The following NGLY1 variants were observed in gnomAD, a reference collection of about 807,000 sequenced individuals.
NGLY1 encodes the protein N-glycanase 1, also known as peptide-N(4)-(N-acetyl-beta-glucosaminyl)asparagine amidase.
In NGLY1, 68 loss-of-function variants were observed where a neutral mutation model predicts 84.6. The observed-to-expected ratio is 0.80, with a 90% CI of 0.66 to 0.98. The LOEUF (loss-of-function observed/expected upper bound fraction) is 0.98, where lower values mean the gene tolerates loss of function less well. Ranked by LOEUF, NGLY1 falls within the 50% of genes least tolerant of loss-of-function variation. The pLI is 0.00. For synonymous variants in NGLY1, 280 were observed against 275.2 expected (o/e 1.02, Z -0.17); for missense variants, 779 against 770.2 (o/e 1.01, Z -0.14).
chr3:25,770,259 T>G (rs926358703), intron 2 of NGLY1, among the ~76,000 whole-genome samples: 1 of 152,188 alleles, frequency 6.6e-6, no homozygotes, highest in African/African-American at 2.4e-5. Flanking sequence ...CTAGTGATTC[T>G]CCCCTCAGCC....
chr3:25,781,390 C>T (rs1274126420), intron 1 of NGLY1, among the ~76,000 whole-genome samples: 1 of 152,182 alleles, frequency 6.6e-6, no homozygotes, highest in African/African-American at 2.4e-5. Context: ...GTTGAGTAAA[C>T]TGACCGTGGT....
chr3:25,747,848 G>T (rs1452798103), intron 4 of NGLY1, among the ~76,000 whole-genome samples: 5 of 152,178 alleles, frequency 3.3e-5, no homozygotes, highest in Non-Finnish European at 7.3e-5. Context: ...TTGACAAACT[G>T]CTGGAAGCTG....
At chr3:25,741,950 G>A (rs1013574090) in intron 4 of NGLY1, among the ~76,000 whole-genome samples, 4 of 152,100 alleles carry the variant, frequency 2.6e-5, no homozygotes, top group Non-Finnish European at 5.9e-5. Context: ...GCAGTGAGCC[G>A]AGATCGCGCC....
At chr3:25,785,649 C>A (rs1390972064), upstream of NGLY1, among the ~76,000 whole-genome samples, 2 of 144,522 alleles carry the variant, frequency 1.4e-5, no homozygotes, top group Non-Finnish European at 3.0e-5. Flanking sequence ...GCCTGGGCAA[C>A]ATGGCAAGAC....
At chr3:25,775,377 G>A (rs1200164676) in intron 2 of NGLY1, among the ~76,000 whole-genome samples, 1 of 152,156 alleles carries the variant, frequency 6.6e-6, no homozygotes, top group Non-Finnish European at 1.5e-5. Flanking sequence ...CCAAGATATG[G>A]AATTAACCTA....
intron 2 of NGLY1, among the ~76,000 whole-genome samples, chr3:25,765,637 T>G (rs1230544867): frequency 6.6e-6 from 1 of 152,154 alleles, no homozygotes; most frequent in Non-Finnish European, 1.5e-5. Context: ...TGAATCCTTT[T>G]TAAAAAGCTG....
In NGLY1 at chr3:25,753,545, T is replaced by C. The variant is rs140670788; in HGVS notation, c.493-2282A>G. On this transcript the variant is annotated intron_variant, in intron 3 of 11. Transcript: ENST00000280700. ...CAACTGGAAAGCAAAATCTCAATTT[T>C]TTCATAGGAAAGGTAGCAAGGAAGG... Among the ~76,000 whole-genome samples, 6 of 152,248 alleles carry C rather than the reference T, an allele frequency of 3.9e-5. No homozygotes were observed. The East Asian group carries it at 1.2e-3, about 29-fold the overall frequency.
At chr3:25,772,131 T>C (rs1707925863) in intron 2 of NGLY1, among the ~76,000 whole-genome samples, 1 of 152,232 alleles carries the variant, frequency 6.6e-6, no homozygotes, top group Non-Finnish European at 1.5e-5. Flanking sequence ...TGCTTTCTAC[T>C]TTTCCCTGTT....
intron 8 of NGLY1, 136 bp from the exon 9 acceptor site, chr3:25,732,619 A>G: frequency 1.8e-6 from 1 of 567,496 alleles, no homozygotes; most frequent in Admixed American, 3.4e-5. Flanking sequence ...TCAAACATAT[A>G]TTATTCAGAA....
At chr3:25,741,806 C>A (rs1706162543) in intron 4 of NGLY1, among the ~76,000 whole-genome samples, 1 of 151,544 alleles carries the variant, frequency 6.6e-6, no homozygotes, top group Non-Finnish European at 1.5e-5. Context: ...GCCTGCCCAA[C>A]ATGGTGAAAC....
At chr3:25,742,884 CAAAAAAAAAAAAAA>C (rs34669504) in intron 4 of NGLY1, among the ~76,000 whole-genome samples, 3 of 63,316 alleles carry the variant, frequency 4.7e-5, no homozygotes, top group Admixed American at 2.3e-4. Context: ...CCTTATGTGG[CAAAAAAAAAAAAAA>C]AAAAAAAAAA....
intron 5 of NGLY1, among the ~76,000 whole-genome samples, chr3:25,738,164 T>TA (rs1241640822): frequency 6.6e-6 from 1 of 152,202 alleles, no homozygotes; most frequent in Non-Finnish European, 1.5e-5. Context: ...ACTAAAGTGG[T>TA]ATAGCTAGCT....
intron 10 of NGLY1, among the ~76,000 whole-genome samples, chr3:25,722,622 T>C (rs866819480): frequency 1.3e-5 from 2 of 152,232 alleles, no homozygotes; most frequent in African/African-American, 2.4e-5. Flanking sequence ...TCAGAGTAGA[T>C]ATGTATAGCC....
chr3:25,733,476 TGTG>T (rs1559533619), intron 8 of NGLY1, among the ~76,000 whole-genome samples: 1 of 126,568 alleles, frequency 7.9e-6, no homozygotes, highest in Non-Finnish European at 1.8e-5. Context: ...CGTGTGTGTG[TGTG>T]TGTGTGTGTG....
chr3:25,784,534 A>G (rs757413336), upstream of NGLY1, among the ~76,000 whole-genome samples: 42 of 152,228 alleles, frequency 2.8e-4, no homozygotes, highest in Non-Finnish European at 5.1e-4. Flanking sequence ...GTACTTTACC[A>G]GTGGCTTCCT....
At chr3:25,732,977 A>G (rs1047558407) in intron 8 of NGLY1, among the ~76,000 whole-genome samples, 1 of 152,232 alleles carries the variant, frequency 6.6e-6, no homozygotes, top group Non-Finnish European at 1.5e-5. Context: ...CCTTCCAGTC[A>G]TTTGTCAATT....
chr3:25,789,874 T>G lies in NGLY1; in HGVS notation c.-9A>C. 1.9e-6 allele frequency: 3 copies of G among 1,551,714 alleles called. No homozygotes were observed. In the South Asian group the frequency reaches 3.6e-5, roughly 18 times the overall value. ...TGAAAATGCTACCTCATCGCGTTAT[T>G]GGCAGGTCCTCGATTATCGGCGAGT... On this transcript the variant is annotated 5_prime_UTR_variant, in exon 1 of 12. Coordinates refer to the NGLY1 transcript ENST00000417874.
Position 25,719,584 on chromosome 3 carries a change from A to C in NGLY1, c.1841T>G (p.Leu614Trp), listed in dbSNP as rs1704872725. Residue 614 changes from leucine to tryptophan, a missense_variant, in exon 12 of 12, where the codon TTG becomes TGG. Physicochemically the swap from Leu to Trp is moderately conservative, Grantham distance 61 (BLOSUM62 -2). Transcript: ENST00000280700. ...ATCTCCTCTGCTTAATTCTGCTTCCAAAATAACTTCAGTGGCACCAGAAAA... is the reference window on the plus strand; with the variant it reads ...ATCTCCTCTGCTTAATTCTGCTTCCCAAATAACTTCAGTGGCACCAGAAAA... ...ADFSGATEVILEAELSRGDGD... is the reference protein window; with the variant it reads ...ADFSGATEVIWEAELSRGDGD... 3 of 1,613,920 alleles carry C rather than the reference A, an allele frequency of 1.9e-6. No individual in the cohort carries two copies. Among genetic ancestry groups the C allele is most frequent in the East Asian group, 4.5e-5 (2 of 44,892 alleles).
intron 10 of NGLY1, among the ~76,000 whole-genome samples, 183 bp downstream of exon 10, chr3:25,728,950 C>T (rs893975469): frequency 1.3e-5 from 2 of 151,920 alleles, no homozygotes; most frequent in African/African-American, 4.8e-5. Flanking sequence ...GATATAAATG[C>T]AAGAATTTCT....
Sources: gnomAD v4.1 joint callset for allele counts (sites outside exome capture counted in the v4.1 genomes callset) on GRCh38, gnomAD v4.1.1 for gene constraint, MANE v1.5 for transcripts, NCBI Gene and HGNC (gene_info 2026-07-23, HGNC 2026-07-21) for gene names.